The following CHID1 variants were observed in gnomAD, a reference collection of about 807,000 sequenced individuals.
CHID1 encodes the protein chitinase domain-containing protein 1.
Under a neutral mutation model 55.4 loss-of-function variants are expected in CHID1, and 44 were observed. The observed-to-expected ratio is 0.79, with a 90% CI of 0.62 to 1.02. CHID1 has a LOEUF of 1.02. Ranked by LOEUF, CHID1 falls within the 50% of genes least tolerant of loss-of-function variation. The pLI is 0.00. For synonymous variants in CHID1, 216 were observed against 212.9 expected (o/e 1.01, Z -0.13); for missense variants, 491 against 515.3 (o/e 0.95, Z 0.46).
rs1851859518 is a variant in CHID1 at position 902,080 on chromosome 11, A to ACT, written c.394+116_394+117dup. ...TTAAATCACGCAGAGACACACACAC[A>ACT]CTCCCATACAGAGACACCCACAGAG... is the stretch of plus-strand genomic sequence containing the variant. On this transcript the variant is annotated intron_variant, in intron 4 of 12. Transcript: ENST00000323578. The ACT allele has an allele frequency of 4.4e-6, 5 of 1,127,526 alleles. No individual in the cohort carries two copies. The East Asian group carries it at 1.3e-4, about 28-fold the overall frequency. 69.8% of individuals were successfully genotyped at this position (1,127,526 alleles called of 1,614,324 possible).
At position 869,944 on chromosome 11, in the gene CHID1, G is replaced by A. The variant is rs142286202; in HGVS notation, c.1096C>T (p.Arg366Trp). 26 of 1,612,650 alleles carry A rather than the reference G, an allele frequency of 1.6e-5. No homozygotes were observed. Among genetic ancestry groups the A allele is most frequent in the East Asian group, 2.2e-5 (1 of 44,890 alleles). Reference sequence around the variant, plus strand: ...CCCAGCTCCCGGGCCAGCTCCAGCCGCACCTGCAGGGACTGGGCACAGATG... The same window carrying A: ...CCCAGCTCCCGGGCCAGCTCCAGCCACACCTGCAGGGACTGGGCACAGATG... ...FYPTLKSLQV[R>W]LELARELGVG... Residue 366 changes from arginine to tryptophan, a missense_variant, in exon 13 of 13, where the codon CGG (arginine) becomes TGG (tryptophan). Physicochemically the swap from Arg to Trp is moderately radical, Grantham distance 101. Transcript: ENST00000323578.
upstream of CHID1, chr11:914,648 A>G: frequency 1.0e-6 from 1 of 991,222 alleles, no homozygotes; most frequent in Non-Finnish European, 1.4e-6. Context: ...ACTTGAGCCC[A>G]GGACATCAAG....
At chr11:902,833 G>A in intron 3 of CHID1, 129 bp downstream of exon 3, 4 of 850,760 alleles carry the variant, frequency 4.7e-6, no homozygotes, top group Non-Finnish European at 5.4e-6. Context: ...TAGCCTCACA[G>A]CAGCAGCAGC....
chr11:870,695 G>A (rs1403944951), intron 10 of CHID1, 196 bp from the exon 11 acceptor site: 1 of 560,642 alleles, frequency 1.8e-6, no homozygotes. Context: ...GGAAACCTCA[G>A]GAAAAACATC....
chr11:877,217 G>A (rs1287394951), intron 10 of CHID1, among the ~76,000 whole-genome samples: 5 of 152,088 alleles, frequency 3.3e-5, no homozygotes. Flanking sequence ...AAACCCCCTA[G>A]CCAATTCTCA....
intron 8 of CHID1, among the ~76,000 whole-genome samples, chr11:890,847 G>A: frequency 6.6e-6 from 1 of 152,180 alleles, no homozygotes; most frequent in Admixed American, 6.5e-5. Flanking sequence ...GGCTGCCTCT[G>A]TCTGCTGACG....
intron 7 of CHID1, among the ~76,000 whole-genome samples, chr11:894,764 G>A (rs923879342): frequency 6.6e-6 from 1 of 152,184 alleles, no homozygotes; most frequent in African/African-American, 2.4e-5. Context: ...CGAGGTGACG[G>A]TTCCTCAGCC....
intron 7 of CHID1, among the ~76,000 whole-genome samples, chr11:898,317 G>T (rs1044935142): frequency 6.6e-6 from 1 of 152,192 alleles, no homozygotes; most frequent in Non-Finnish European, 1.5e-5. Context: ...GCTCAGGCCC[G>T]GGCTCTTAAA....
intron 8 of CHID1, among the ~76,000 whole-genome samples, 185 bp downstream of exon 8, chr11:893,242 T>C (rs565962540): frequency 1.3e-5 from 2 of 152,334 alleles, no homozygotes; most frequent in East Asian, 1.9e-4. Context: ...ACGTGCTGAC[T>C]TGGAGCCTTC....
intron 10 of CHID1, among the ~76,000 whole-genome samples, chr11:881,760 G>C (rs576440246): frequency 1.1e-4 from 17 of 152,196 alleles, no homozygotes; most frequent in African/African-American, 3.9e-4. Context: ...CCAGCACTTT[G>C]GGAGGCTGAG....
At chr11:902,536 C>T (rs1428344824) in intron 3 of CHID1, among the ~76,000 whole-genome samples, 1 of 152,220 alleles carries the variant, frequency 6.6e-6, no homozygotes, top group Non-Finnish European at 1.5e-5. Context: ...CCACGACATC[C>T]CTTTCACCAA....
rs540988569 is a variant in CHID1, at chr11:875,628, G to A, written c.960-5129C>T. Among the ~76,000 whole-genome samples the A allele has an allele frequency of 2.6e-5, 4 of 152,250 alleles. No homozygotes were observed. The highest frequency in any genetic ancestry group is 9.6e-5 in the African/African-American group (4 of 41,538). On this transcript the variant is annotated intron_variant, in intron 10 of 12. Transcript: ENST00000323578. This position sits in a 1 kb window ranked among gnomAD's most constrained non-coding sequence, Gnocchi z 4.7. ...TGCTGAAACTCTTAGCGCCACATGA[G>A]GCCGAGGGAGTCAAGTCCTGGGGTG...
chr11:892,101 T>C (rs1296873904), intron 8 of CHID1, among the ~76,000 whole-genome samples: 3 of 151,192 alleles, frequency 2.0e-5, no homozygotes, highest in African/African-American at 7.3e-5. Context: ...GGCGACAGAG[T>C]GAGACTCTAT....
At chr11:904,568 G>T in intron 2 of CHID1, 138 bp downstream of exon 2, 1 of 929,810 alleles carries the variant, frequency 1.1e-6, no homozygotes, top group Non-Finnish European at 1.6e-6. Context: ...CCCACCGGCT[G>T]CGGGCTCATC....
At chr11:901,016 G>T in intron 4 of CHID1, 36 bp from the exon 5 acceptor site, 6 of 1,566,990 alleles carry the variant, frequency 3.8e-6, no homozygotes, top group Non-Finnish European at 5.2e-6. Context: ...ACACAGGCAC[G>T]TGCGCCCAAC....
intron 8 of CHID1, among the ~76,000 whole-genome samples, chr11:885,672 T>A (rs1850337241): frequency 6.6e-6 from 1 of 152,072 alleles, no homozygotes; most frequent in Admixed American, 6.6e-5. Flanking sequence ...CTTCCTGCCC[T>A]GCAACCTCCC....
In CHID1 at chr11:868,333, A is replaced by G. The variant is rs1406125905; in HGVS notation, c.*1525T>C. The G allele has an allele frequency of 6.6e-6, 1 of 152,104 alleles. No individual in the cohort carries two copies. The highest frequency in any genetic ancestry group is 2.4e-5 in the African/African-American group (1 of 41,422). 9.4% of individuals were successfully genotyped at this position (152,104 alleles called of 1,614,324 possible). The stretch of plus-strand genomic sequence containing the variant: ...CACAGCTCACTGCAGCCTCAACCTC[A>G]TCAAGCGATCCTCCCATCTCAGCCT... On this transcript the variant is annotated 3_prime_UTR_variant, in exon 13 of 13. Transcript: ENST00000323578.
intron 2 of CHID1, among the ~76,000 whole-genome samples, chr11:904,224 C>A (rs1212806034): frequency 6.6e-5 from 10 of 152,208 alleles, no homozygotes; most frequent in Non-Finnish European, 1.5e-4. Flanking sequence ...CAGTTACAGT[C>A]CTGTGGCAGG....
chr11:898,938 C>T (rs1244413418), intron 7 of CHID1, among the ~76,000 whole-genome samples: 1 of 152,182 alleles, frequency 6.6e-6, no homozygotes, highest in East Asian at 1.9e-4. Flanking sequence ...TCAGGGACAC[C>T]CCCAGGAAGG....
Sources: gnomAD v4.1 joint callset for allele counts (sites outside exome capture counted in the v4.1 genomes callset) on GRCh38, gnomAD v4.1.1 for gene constraint, Gnocchi (gnomAD v3.1) non-coding constraint, MANE v1.5 for transcripts, NCBI Gene and HGNC (gene_info 2026-07-23, HGNC 2026-07-21) for gene names.